The following DSCAM variants were observed in gnomAD, a reference collection of about 807,000 sequenced individuals.
DSCAM encodes cell adhesion molecule DSCAM.
DSCAM carries 47 observed loss-of-function variants against 217.7 expected under a neutral mutation model. The observed-to-expected ratio is 0.22, with a 90% CI of 0.17 to 0.28. The LOEUF is 0.28. DSCAM is among the 10% of genes least tolerant of loss of function. The pLI, the probability that DSCAM is intolerant of heterozygous loss-of-function variation, is 1.00. For synonymous variants in DSCAM, 1,056 were observed against 1,015.3 expected, an observed-to-expected ratio of 1.04 and a Z score of -0.76; for missense variants, 2,080 against 2,618.3, an observed-to-expected ratio of 0.79 and a Z score of 4.49.
chr21:40,033,340 G>A (rs2088566778), intron 32 of DSCAM, among the ~76,000 whole-genome samples: 1 of 152,208 alleles, frequency 6.6e-6, no homozygotes, highest in African/African-American at 2.4e-5. Context: ...AGCCGAAGCA[G>A]GGCGAGGCAT....
intron 3 of DSCAM, among the ~76,000 whole-genome samples, chr21:40,451,017 T>C (rs2075714531): frequency 6.6e-6 from 1 of 152,228 alleles, no homozygotes; most frequent in Non-Finnish European, 1.5e-5. Context: ...AAAATCTGTA[T>C]GCCTTGTCCT....
At chr21:40,411,738 G>A (rs528412238) in intron 3 of DSCAM, among the ~76,000 whole-genome samples, 3 of 152,178 alleles carry the variant, frequency 2.0e-5, no homozygotes, top group South Asian at 2.1e-4. Context: ...AATGAAATAC[G>A]AGATGCCACT....
At chr21:40,795,087 T>A (rs1569040060) in intron 1 of DSCAM, among the ~76,000 whole-genome samples, 3 of 151,406 alleles carry the variant, frequency 2.0e-5, no homozygotes, top group Non-Finnish European at 4.4e-5. Context: ...AACCCCTTTT[T>A]CCAACATCTG....
intron 3 of DSCAM, among the ~76,000 whole-genome samples, chr21:40,645,936 C>A (rs1357343021): frequency 6.6e-6 from 1 of 151,948 alleles, no homozygotes; most frequent in Non-Finnish European, 1.5e-5. Flanking sequence ...GAGTGAAAAA[C>A]AATACAAGTA....
chr21:40,832,475 G>A (rs561388887), intron 1 of DSCAM, among the ~76,000 whole-genome samples: 49 of 152,168 alleles, frequency 3.2e-4, no homozygotes, highest in African/African-American at 1.1e-3. Flanking sequence ...ATATTCGAAG[G>A]GGTATGTGAC....
Position 40,601,288 on chromosome 21 carries a change from T to C in DSCAM, c.508+91522A>G, listed in dbSNP as rs189593029. On this transcript the variant is annotated intron_variant, in intron 3 of 32. Transcript: ENST00000400454. ...TTTTTTGGTGCTAATAGAAATTATA[T>C]TGGTTTTTCATTTCAAATTCCAATT... is the stretch of plus-strand genomic sequence containing the variant. 5.3e-4 allele frequency among the ~76,000 whole-genome samples: 81 copies of C among 152,296 alleles called. 1 individual carries two copies. The East Asian group carries it at 0.013, about 24-fold the overall frequency.
chr21:40,498,665 A>ACC lies in DSCAM; in HGVS notation c.509-129422_509-129421dup, dbSNP rs1157166796. Among the ~76,000 whole-genome samples, 182 of 74,274 alleles carry ACC rather than the reference A, an allele frequency of 2.5e-3. 2 individuals carry two copies. The highest frequency in any genetic ancestry group is 0.011 in the African/African-American group (179 of 16,598). 48.7% of individuals were successfully genotyped at this position (74,274 alleles called of 152,430 possible). A position where few individuals can be genotyped will look rare whatever the true frequency, so the allele number is the denominator to read the frequency against. On this transcript the variant is annotated intron_variant, in intron 3 of 32. Transcript: ENST00000400454. ...ATATATAGTGTGTGTGTATATATAT[A>ACC]CCCATATATATATATATATATATAT...
intron 10 of DSCAM, among the ~76,000 whole-genome samples, chr21:40,285,116 T>C (rs754535491): frequency 2.0e-4 from 31 of 152,196 alleles, no homozygotes; most frequent in Non-Finnish European, 3.1e-4. Flanking sequence ...AATTGATCCA[T>C]GAACTGAACA....
At chr21:40,501,854 A>G (rs552846330) in intron 3 of DSCAM, among the ~76,000 whole-genome samples, 1 of 152,358 alleles carries the variant, frequency 6.6e-6, no homozygotes, top group South Asian at 2.1e-4. Context: ...TTGGCCTCCC[A>G]AAGTGCTGGG....
chr21:40,596,126 C>T (rs972411660), intron 3 of DSCAM, among the ~76,000 whole-genome samples: 2 of 152,198 alleles, frequency 1.3e-5, no homozygotes, highest in Non-Finnish European at 2.9e-5. Flanking sequence ...GGCACATGAG[C>T]TTGTAGCAAG....
intron 1 of DSCAM, among the ~76,000 whole-genome samples, chr21:40,739,523 T>A (rs777723944): frequency 6.6e-6 from 1 of 152,194 alleles, no homozygotes; most frequent in Admixed American, 6.5e-5. Context: ...TTCACAGGGC[T>A]ATCCCTCTGT....
intron 11 of DSCAM, among the ~76,000 whole-genome samples, chr21:40,225,937 C>T (rs1441457671): frequency 1.3e-5 from 2 of 152,212 alleles, no homozygotes; most frequent in Non-Finnish European, 2.9e-5. Flanking sequence ...TATTTTCACA[C>T]TGAAAGGCAA....
chr21:40,655,560 A>G (rs1175831038), intron 3 of DSCAM, among the ~76,000 whole-genome samples: 1 of 151,096 alleles, frequency 6.6e-6, no homozygotes, highest in Non-Finnish European at 1.5e-5. Context: ...CTACCACCTC[A>G]GCCTCCCAAG....
At chr21:40,059,421 C>T (rs773346872) in intron 28 of DSCAM, among the ~76,000 whole-genome samples, 8 of 152,144 alleles carry the variant, frequency 5.3e-5, no homozygotes, top group Non-Finnish European at 1.0e-4. Flanking sequence ...GATGCAGTCT[C>T]TCTTCTCTGG....
In DSCAM at chr21:40,248,045, G is replaced by A. The variant is rs78595284; in HGVS notation, c.2356+28052C>T. Reference sequence around the variant, plus strand: ...AAGCCATGGCCTGAGCTGTCCCTTCGCCCCTTTTAGTCATGGCTGGAGTGG... The same window carrying A: ...AAGCCATGGCCTGAGCTGTCCCTTCACCCCTTTTAGTCATGGCTGGAGTGG... On this transcript the variant is annotated intron_variant, in intron 11 of 32. Coordinates refer to ENST00000400454, the MANE Select transcript of DSCAM (RefSeq NM_001389.5). 4.1e-3 allele frequency among the ~76,000 whole-genome samples: 619 copies of A among 152,236 alleles called. 5 individuals carry two copies. Among genetic ancestry groups the A allele is most frequent in the African/African-American group, 0.014 (569 of 41,550 alleles).
At chr21:40,741,541 C>T (rs894670019) in intron 1 of DSCAM, among the ~76,000 whole-genome samples, 37 of 150,052 alleles carry the variant, frequency 2.5e-4, no homozygotes, top group Non-Finnish European at 5.3e-4. Flanking sequence ...ATATCTCAGC[C>T]CCCAAACTCA....
At chr21:40,345,850 C>G (rs1217082518) in intron 6 of DSCAM, among the ~76,000 whole-genome samples, 1 of 152,150 alleles carries the variant, frequency 6.6e-6, no homozygotes, top group African/African-American at 2.4e-5. Context: ...AGCTTCTTGT[C>G]CTGAATGGAA....
chr21:40,821,973 A>C (rs955487471), intron 1 of DSCAM, among the ~76,000 whole-genome samples: 3 of 151,854 alleles, frequency 2.0e-5, no homozygotes, highest in Non-Finnish European at 4.4e-5. Flanking sequence ...ACACAAGTTT[A>C]TCCATGTAAC....
chr21:40,486,734 T>C (rs986442241), intron 3 of DSCAM, among the ~76,000 whole-genome samples: 1 of 152,216 alleles, frequency 6.6e-6, no homozygotes, highest in African/African-American at 2.4e-5. Context: ...TTGAAGAACC[T>C]ATGCAATATT....
Sources: allele counts gnomAD v4.1 joint callset (sites outside exome capture counted in the v4.1 genomes callset), GRCh38; gene constraint gnomAD v4.1.1; transcripts MANE v1.5; gene names NCBI Gene and HGNC (gene_info 2026-07-23, HGNC 2026-07-21).